The following DMD variants were observed in gnomAD, a reference collection of about 807,000 sequenced individuals.
DMD encodes the protein dystrophin.
DMD carries 63 observed loss-of-function variants against 330.1 expected under a neutral mutation model. The observed-to-expected ratio is 0.19, with a 90% CI of 0.16 to 0.24. DMD has a LOEUF of 0.24. DMD is among the 10% of genes least tolerant of loss of function. The pLI is 1.00. For synonymous variants in DMD, 1,223 were observed against 959.8 expected, an observed-to-expected ratio of 1.27 and a Z score of -5.07; for missense variants, 3,344 against 2,684.1, an observed-to-expected ratio of 1.25 and a Z score of -5.43.
At chrX:31,866,935 G>C (rs1465530261) in intron 48 of DMD, among the ~76,000 whole-genome samples, 1 of 111,154 alleles carries the variant, frequency 9.0e-6, no homozygotes, top group Non-Finnish European at 1.9e-5. Flanking sequence ...GGATTTATGT[G>C]TATGTAAACT....
intron 44 of DMD, among the ~76,000 whole-genome samples, chrX:32,134,256 C>G (rs1187813668): frequency 1.8e-5 from 2 of 110,834 alleles, no homozygotes; most frequent in Admixed American, 9.6e-5. Context: ...TTCACTGACA[C>G]ATTCAAAACA....
At chrX:32,899,686 AAAAG>A (rs1160044419) in intron 2 of DMD, among the ~76,000 whole-genome samples, 1 of 109,936 alleles carries the variant, frequency 9.1e-6, no homozygotes, top group Non-Finnish European at 1.9e-5. Flanking sequence ...AAAAAAAAAA[AAAAG>A]AAAGAAAAAG....
chrX:32,272,077 G>A (rs756711618), intron 43 of DMD, among the ~76,000 whole-genome samples: 6 of 111,840 alleles, frequency 5.4e-5, no homozygotes, highest in Non-Finnish European at 1.1e-4. Context: ...AAGGTATATA[G>A]TACAGCCTCT....
chrX:32,535,824 A>G (rs1569151225), intron 17 of DMD, among the ~76,000 whole-genome samples: 1 of 111,954 alleles, frequency 8.9e-6, no homozygotes, highest in South Asian at 3.7e-4. Flanking sequence ...TTCAATACCT[A>G]CTATGAGCTG....
intron 59 of DMD, among the ~76,000 whole-genome samples, chrX:31,457,312 GAT>G (rs1321659182): frequency 1.8e-5 from 2 of 111,462 alleles, no homozygotes; most frequent in Non-Finnish European, 3.8e-5. Context: ...CTATCTAAAA[GAT>G]AGCATTTTGC....
Position 31,675,449 on chromosome X carries a change from G to A in DMD, c.7872+3926C>T, listed in dbSNP as rs761761046. Among the ~76,000 whole-genome samples, 506 of 111,785 alleles carry A rather than the reference G, an allele frequency of 4.5e-3. 1 individual carries two copies. The highest frequency in any genetic ancestry group is 0.014 in the Middle Eastern group (3 of 217). On this transcript the variant is annotated intron_variant, in intron 53 of 78. Coordinates refer to ENST00000357033, the MANE Select transcript of DMD (RefSeq NM_004006.3). ...GTGATCTTGGCTCACTGCAACCTCC[G>A]CCTCCCGGGTTCAAGCGATTCCCCT...
rs2097848267 is a variant in DMD, at chrX:32,364,676, T to A, written c.5060A>T (p.Asn1687Ile). 8.3e-7 allele frequency: 1 copy of A among 1,210,042 alleles called. No individual in the cohort carries two copies. Among genetic ancestry groups the A allele is most frequent in the Admixed American group, 2.2e-5 (1 of 45,987 alleles). The change falls in exon 36 of 79, where the codon AAT (asparagine) becomes ATT (isoleucine). Residue 1687 changes from asparagine to isoleucine, a missense_variant. Asn to Ile is a moderately radical substitution (Grantham distance 149). Transcript: ENST00000357033. ...GATCCACTTTGTGATGTGGTCCACA[T>A]TCTGGTCAAAAGTTTCCATGTGTTT... ...YQKHMETFDQNVDHITKWIIQ... is the reference protein window; with the variant it reads ...YQKHMETFDQIVDHITKWIIQ...
rs1055485508 is a variant in DMD, at chrX:31,946,975, C to T, written c.6615-14748G>A. ...TGAGAGTAAAATAAAAGGCCATTAA[C>T]GAGAAAATATTGCATATATAAATTT... On this transcript the variant is annotated intron_variant, in intron 45 of 78. Transcript: ENST00000357033. Among the ~76,000 whole-genome samples the T allele has an allele frequency of 8.1e-5, 9 of 110,844 alleles. No homozygotes were observed. In the East Asian group the frequency reaches 8.5e-4, roughly 10 times the overall value.
chrX:31,268,582 T>C (rs776161168), intron 62 of DMD, among the ~76,000 whole-genome samples: 1 of 111,654 alleles, frequency 9.0e-6, no homozygotes, highest in Non-Finnish European at 1.9e-5. Context: ...AGTTGTCCCT[T>C]GGTCTAATAG....
intron 61 of DMD, among the ~76,000 whole-genome samples, chrX:31,331,347 G>A (rs1393034051): frequency 2.7e-5 from 3 of 109,799 alleles, no homozygotes; most frequent in Non-Finnish European, 5.7e-5. Context: ...TGACTGAGTT[G>A]CAGAGATAAA....
intron 9 of DMD, among the ~76,000 whole-genome samples, chrX:32,648,439 T>A (rs2059918945): frequency 8.9e-6 from 1 of 112,107 alleles, no homozygotes; most frequent in Non-Finnish European, 1.9e-5. Context: ...TAGTAGGTTA[T>A]GACTAGGAAT....
intron 1 of DMD, among the ~76,000 whole-genome samples, chrX:33,070,661 CTCTCTCTCTCTCTATA>C (rs1796201421): frequency 2.3e-5 from 1 of 44,233 alleles, no homozygotes; most frequent in African/African-American, 9.6e-5. Context: ...CTCTCTCTCT[CTCTCTCTCTCTCTATA>C]TATATATATA....
intron 2 of DMD, among the ~76,000 whole-genome samples, chrX:32,951,114 T>A (rs1472763099): frequency 9.0e-6 from 1 of 111,139 alleles, no homozygotes; most frequent in Non-Finnish European, 1.9e-5. Flanking sequence ...TCCTATATTG[T>A]CGCAATATTC....
intron 9 of DMD, among the ~76,000 whole-genome samples, chrX:32,695,112 G>A (rs769722560): frequency 8.2e-4 from 92 of 112,286 alleles, no homozygotes; most frequent in Non-Finnish European, 1.5e-3. Flanking sequence ...TCAAACACAA[G>A]CGCTAAATAA....
At chrX:32,027,522 T>C (rs1159361732) in intron 44 of DMD, among the ~76,000 whole-genome samples, 2 of 111,497 alleles carry the variant, frequency 1.8e-5, no homozygotes, top group East Asian at 2.8e-4. Context: ...TGAAAGAGGA[T>C]GTAATTCAGG....
At chrX:32,498,525 C>T (rs747996878) in intron 19 of DMD, among the ~76,000 whole-genome samples, 9 of 110,375 alleles carry the variant, frequency 8.2e-5, no homozygotes, top group Non-Finnish European at 1.3e-4. Context: ...ATAAGGAAAA[C>T]GTCCATGTAT....
chrX:32,638,770 A>G (rs1428455464), intron 11 of DMD, among the ~76,000 whole-genome samples: 2 of 111,802 alleles, frequency 1.8e-5, no homozygotes, highest in Non-Finnish European at 1.9e-5. Flanking sequence ...ATTCATTCAT[A>G]TATTCACATA....
chrX:31,271,459 T>A (rs937715031), intron 62 of DMD, among the ~76,000 whole-genome samples: 1 of 111,084 alleles, frequency 9.0e-6, no homozygotes, highest in African/African-American at 3.3e-5. Context: ...CCTTTCTGGG[T>A]TGCATGTGGT....
chrX:32,639,008 C>G (rs2059275628), intron 11 of DMD, among the ~76,000 whole-genome samples: 1 of 111,463 alleles, frequency 9.0e-6, no homozygotes, highest in Non-Finnish European at 1.9e-5. Flanking sequence ...TACCCAGATA[C>G]TATTCATATC....
Sources: gnomAD v4.1 joint callset for allele counts (sites outside exome capture counted in the v4.1 genomes callset) on GRCh38, gnomAD v4.1.1 for gene constraint, MANE v1.5 for transcripts, NCBI Gene and HGNC (gene_info 2026-07-23, HGNC 2026-07-21) for gene names.